Variants in SLIT2 observed in about 807,000 individuals in gnomAD.
SLIT2 encodes the protein slit guidance ligand 2.
In SLIT2, 41 loss-of-function variants were observed where a neutral mutation model predicts 185.7. The ratio of observed to expected loss-of-function variants is 0.22; its 90% confidence interval spans 0.17 to 0.29. The LOEUF is 0.29. Among genes scored for constraint, SLIT2 ranks in the 10% least tolerant of loss-of-function variants. The pLI, the probability that SLIT2 is intolerant of heterozygous loss-of-function variation, is 1.00. For synonymous variants in SLIT2, 693 were observed against 680.2 expected (o/e 1.02, Z -0.29); for missense variants, 1,571 against 1,909.0 (o/e 0.82, Z 3.30).
rs577738156 is a variant in SLIT2, at chr4:20,561,878, T to C, written c.2726-5384T>C. Among the ~76,000 whole-genome samples the C allele has an allele frequency of 2.0e-5, 3 of 151,890 alleles. 1 individual carries two copies. The South Asian group carries it at 6.2e-4, about 31-fold the overall frequency. ...AAAACTTAACAGATATTTATTTTAA[T>C]AGGTAAAGAGAACTAGCAATTAATG... On this transcript the variant is annotated intron_variant, in intron 26 of 36. Transcript: ENST00000504154.
chr4:20,393,447 G>T (rs1351073342), intron 4 of SLIT2: 1 of 152,036 alleles, frequency 6.6e-6, no homozygotes, highest in Non-Finnish European at 1.5e-5. Flanking sequence ...ATTATCACTT[G>T]TTGCTAGTGA....
At chr4:20,343,083 C>G (rs1577467498) in intron 4 of SLIT2, among the ~76,000 whole-genome samples, 1 of 152,122 alleles carries the variant, frequency 6.6e-6, no homozygotes, top group East Asian at 1.9e-4. Context: ...TTCCTCTCTT[C>G]TAGCTATTTT....
intron 3 of SLIT2, among the ~76,000 whole-genome samples, chr4:20,265,643 G>C (rs575797380): frequency 4.6e-5 from 7 of 151,318 alleles, no homozygotes; most frequent in Non-Finnish European, 1.0e-4. Context: ...AGAATTCTTC[G>C]TATATATTTT....
intron 12 of SLIT2, 36 bp downstream of exon 12, chr4:20,519,489 A>G (rs1156389678): frequency 8.2e-7 from 1 of 1,219,406 alleles, no homozygotes; most frequent in African/African-American, 1.5e-5. Context: ...CTCGAGCCTA[A>G]TAATATATAT....
chr4:20,390,759 ATTTT>A (rs67798474), intron 4 of SLIT2, among the ~76,000 whole-genome samples: 2 of 148,570 alleles, frequency 1.3e-5, no homozygotes, highest in African/African-American at 2.5e-5. Context: ...AAAAGATCTT[ATTTT>A]TTTTTTTTAA....
At chr4:20,352,641 T>A (rs773669244) in intron 4 of SLIT2, among the ~76,000 whole-genome samples, 62 of 152,196 alleles carry the variant, frequency 4.1e-4, no homozygotes, top group Admixed American at 2.0e-4. Flanking sequence ...AGGCCGGATG[T>A]AGTGGCTCAC....
intron 4 of SLIT2, among the ~76,000 whole-genome samples, chr4:20,346,255 CAA>C (rs1287319221): frequency 6.6e-6 from 1 of 152,156 alleles, no homozygotes; most frequent in Non-Finnish European, 1.5e-5. Flanking sequence ...CTCGTGCTCC[CAA>C]AGTGTTGAGA....
intron 4 of SLIT2, among the ~76,000 whole-genome samples, chr4:20,378,423 C>A (rs766691669): frequency 5.9e-5 from 9 of 152,018 alleles, no homozygotes; most frequent in Admixed American, 2.6e-4. Context: ...TTTTGATACA[C>A]AAACAAGGGC....
chr4:20,305,780 GGA>G (rs1407753313), intron 4 of SLIT2, among the ~76,000 whole-genome samples: 1 of 151,656 alleles, frequency 6.6e-6, no homozygotes, highest in Non-Finnish European at 1.5e-5. Flanking sequence ...GGCCGAGGCA[GGA>G]GAATTGCTTG....
At chr4:20,381,112 A>G (rs1030643759) in intron 4 of SLIT2, among the ~76,000 whole-genome samples, 2 of 151,924 alleles carry the variant, frequency 1.3e-5, no homozygotes, top group African/African-American at 4.8e-5. Flanking sequence ...AAATTAGCTG[A>G]GAGTGGTGGT....
intron 33 of SLIT2, among the ~76,000 whole-genome samples, chr4:20,602,190 CTT>C (rs1171003913): frequency 6.6e-6 from 1 of 152,078 alleles, no homozygotes; most frequent in Non-Finnish European, 1.5e-5. Context: ...TTCAAAAAGA[CTT>C]TCTTTTAATC....
intron 5 of SLIT2, among the ~76,000 whole-genome samples, chr4:20,472,389 G>GATATCTATATCTATATATCTAT (rs1560453761): frequency 1.1e-4 from 1 of 9,326 alleles, no homozygotes; most frequent in Admixed American, 1.9e-3. Flanking sequence ...TATATATGTA[G>GATATCTATATCTATATATCTAT]ATATATAGAT....
At chr4:20,525,312 G>A in intron 15 of SLIT2, 140 bp downstream of exon 15, 1 of 598,306 alleles carries the variant, frequency 1.7e-6, no homozygotes, top group South Asian at 2.7e-5. Flanking sequence ...TATATCACTT[G>A]TAGCTGTTTC....
rs1309600499 is a variant in SLIT2, at chr4:20,460,263, T to C, written c.396-7489T>C. ...TCTGCAGAAATAAGATGAGTTAACA[T>C]CCCTGCCTTTGTTTATCATATTGTC... On this transcript the variant is annotated intron_variant, in intron 4 of 36. Coordinates refer to ENST00000504154, the MANE Select transcript of SLIT2 (RefSeq NM_004787.4). 3.9e-5 allele frequency among the ~76,000 whole-genome samples: 6 copies of C among 152,120 alleles called. No homozygotes were observed. In the East Asian group the frequency reaches 1.2e-3, roughly 29 times the overall value.
chr4:20,609,908 T>C, intron 33 of SLIT2, 105 bp from the exon 34 acceptor site: 1 of 1,060,020 alleles, frequency 9.4e-7, no homozygotes, highest in Non-Finnish European at 1.3e-6. Flanking sequence ...TAGTGTTAGA[T>C]TGCCATCTCT....
chr4:20,551,043 T>C (rs1723703087), intron 25 of SLIT2, 145 bp downstream of exon 25: 3 of 501,970 alleles, frequency 6.0e-6, no homozygotes, highest in East Asian at 3.2e-5. Context: ...ATTTTCAAAC[T>C]GGATATGATG....
chr4:20,400,090 A>G (rs921028164), intron 4 of SLIT2, among the ~76,000 whole-genome samples: 12 of 151,778 alleles, frequency 7.9e-5, no homozygotes, highest in Admixed American at 3.3e-4. Context: ...TTGTTCTCCT[A>G]CTATCATAAA....
rs1716988613 is a variant in SLIT2 at position 20,484,273 on chromosome 4, T to C, written c.540-1927T>C. 1.3e-5 allele frequency among the ~76,000 whole-genome samples: 2 copies of C among 152,074 alleles called. No homozygotes were observed. The highest frequency in any genetic ancestry group is 2.4e-5 in the African/African-American group (1 of 41,422). ...TAAATTTTGAGGATGGGAAAAGGGATCATTTGAAAGCAAATCCCATTGAGA... is the reference window on the plus strand; with the variant it reads ...TAAATTTTGAGGATGGGAAAAGGGACCATTTGAAAGCAAATCCCATTGAGA... On this transcript the variant is annotated intron_variant, in intron 6 of 36. Coordinates refer to ENST00000504154, the MANE Select transcript of SLIT2 (RefSeq NM_004787.4). The surrounding 1 kb of genome is among the most constrained non-coding windows in gnomAD (Gnocchi z 4.3).
chr4:20,378,865 T>C (rs909130214), intron 4 of SLIT2, among the ~76,000 whole-genome samples: 1 of 152,060 alleles, frequency 6.6e-6, no homozygotes, highest in African/African-American at 2.4e-5. Context: ...AATGAATAAA[T>C]AAACTGAGGT....
Sources: allele counts gnomAD v4.1 joint callset (sites outside exome capture counted in the v4.1 genomes callset), GRCh38; gene constraint gnomAD v4.1.1; non-coding constraint Gnocchi (gnomAD v3.1); transcripts MANE v1.5; gene names NCBI Gene and HGNC (gene_info 2026-07-23, HGNC 2026-07-21).